NELL1: variants seen among roughly 807,000 people sequenced by gnomAD.
NELL1 encodes neural EGFL like 1.
A neutral mutation model predicts 107.4 loss-of-function variants in NELL1; 76 were observed. The observed-to-expected ratio is 0.71, with a 90% CI of 0.59 to 0.86. NELL1 has a LOEUF of 0.86. Ranked by LOEUF, NELL1 falls within the 40% of genes least tolerant of loss-of-function variation. The probability of loss-of-function intolerance (pLI) is 0.00; values close to 1 mark genes in which losing one functional copy is unlikely to be tolerated. For missense variants in NELL1, 1,024 were observed against 1,005.5 expected, an observed-to-expected ratio of 1.02 and a Z score of -0.25; for synonymous variants, 353 against 341.2, an observed-to-expected ratio of 1.03 and a Z score of -0.38.
In NELL1 at chr11:20,691,513, A is replaced by C. The variant is rs1365171570; in HGVS notation, c.184+13453A>C. Among the ~76,000 whole-genome samples the C allele has an allele frequency of 6.8e-3, 1,037 of 152,138 alleles. 7 individuals carry two copies. The highest frequency in any genetic ancestry group is 0.024 in the African/African-American group (989 of 41,456). ...CATGAAGGGTTGTTGAATTTTGTTG[A>C]AGGCCTTTTTTGCATTTATTGAGAT... On this transcript the variant is annotated intron_variant, in intron 2 of 19. Transcript: ENST00000357134.
intron 14 of NELL1, among the ~76,000 whole-genome samples, chr11:21,297,030 T>A (rs7939701): frequency 0.67 from 100,586 of 150,948 alleles, 33,883 homozygotes; most frequent in African/African-American, 0.74. Context: ...GTCATTAATT[T>A]AAAAAAATAA....
intron 15 of NELL1, among the ~76,000 whole-genome samples, chr11:21,392,668 T>A (rs759325439): frequency 6.6e-6 from 1 of 151,774 alleles, no homozygotes; most frequent in Non-Finnish European, 1.5e-5. Context: ...GTCATTGTGA[T>A]AACTTATATA....
intron 12 of NELL1, among the ~76,000 whole-genome samples, chr11:21,012,915 G>A (rs985083523): frequency 2.0e-5 from 3 of 152,218 alleles, no homozygotes; most frequent in Admixed American, 1.3e-4. Context: ...CAATTGGGGG[G>A]ATTAGTAATC....
chr11:21,143,957 G>A (rs1163861982), intron 13 of NELL1, among the ~76,000 whole-genome samples: 1 of 152,170 alleles, frequency 6.6e-6, no homozygotes, highest in Non-Finnish European at 1.5e-5. Flanking sequence ...GGGGCCACCA[G>A]TAACAGGAGG....
chr11:20,934,848 T>C (rs1442170641), intron 9 of NELL1, among the ~76,000 whole-genome samples: 1 of 152,180 alleles, frequency 6.6e-6, no homozygotes, highest in Non-Finnish European at 1.5e-5. Context: ...CGAGTCATGG[T>C]CAACTGATTT....
intron 12 of NELL1, among the ~76,000 whole-genome samples, chr11:21,066,607 C>A (rs576785177): frequency 5.3e-5 from 8 of 152,176 alleles, no homozygotes; most frequent in Admixed American, 2.0e-4. Flanking sequence ...TATTAGAATG[C>A]CTATCTTTCA....
chr11:21,486,188 C>T lies in NELL1; in HGVS notation c.1646-48186C>T, dbSNP rs117532683. 7.6e-4 allele frequency among the ~76,000 whole-genome samples: 116 copies of T among 152,210 alleles called. 1 individual carries two copies. In the East Asian group the frequency reaches 0.015, roughly 20 times the overall value. Reference sequence around the variant, plus strand: ...CCAAGAATCAACCTGCCTGGACTTACGAACACTAGACTCACCATACACCAC... The same window carrying T: ...CCAAGAATCAACCTGCCTGGACTTATGAACACTAGACTCACCATACACCAC... On this transcript the variant is annotated intron_variant, in intron 15 of 19. Transcript: ENST00000357134.
chr11:20,691,418 G>A (rs1854462360), intron 2 of NELL1, among the ~76,000 whole-genome samples: 1 of 151,622 alleles, frequency 6.6e-6, no homozygotes, highest in African/African-American at 2.4e-5. Flanking sequence ...TTGGCTGTGG[G>A]TTTGTCATAG....
At chr11:20,715,511 C>A (rs954354236) in intron 2 of NELL1, among the ~76,000 whole-genome samples, 9 of 152,118 alleles carry the variant, frequency 5.9e-5, no homozygotes, top group African/African-American at 2.2e-4. Context: ...GCCTGTGGAG[C>A]CTGTGGCTTA....
At chr11:21,457,300 G>A (rs1393852022) in intron 15 of NELL1, among the ~76,000 whole-genome samples, 1 of 152,180 alleles carries the variant, frequency 6.6e-6, no homozygotes, top group Non-Finnish European at 1.5e-5. Context: ...AGAGACATGA[G>A]TCAGGTTTCT....
intron 14 of NELL1, among the ~76,000 whole-genome samples, chr11:21,326,253 C>G (rs2133677406): frequency 6.7e-6 from 1 of 149,724 alleles, no homozygotes; most frequent in Middle Eastern, 3.4e-3. Context: ...TTTTACTATT[C>G]CACTTTATCT....
intron 16 of NELL1, among the ~76,000 whole-genome samples, chr11:21,542,714 A>T (rs758337505): frequency 1.9e-4 from 29 of 152,098 alleles, no homozygotes; most frequent in Non-Finnish European, 2.8e-4. Context: ...AGAGAATGAG[A>T]AAATGATCGG....
intron 13 of NELL1, among the ~76,000 whole-genome samples, chr11:21,128,469 A>G (rs1855539319): frequency 6.6e-6 from 1 of 152,206 alleles, no homozygotes; most frequent in Admixed American, 6.5e-5. Flanking sequence ...ATAAGGCATC[A>G]GAAATATCTT....
At chr11:21,214,569 G>A (rs535759645) in intron 13 of NELL1, among the ~76,000 whole-genome samples, 48 of 152,192 alleles carry the variant, frequency 3.2e-4, no homozygotes, top group African/African-American at 9.9e-4. Flanking sequence ...ATGGAGAAAC[G>A]ATCATTCAGA....
At position 20,922,531 on chromosome 11, in the gene NELL1, C is replaced by T. The variant is rs145849862; in HGVS notation, c.759+3197C>T. ...GGCAAACTTGAAGTTGAATATGGTT[C>T]GCAGATGCAAAAAGAATTCTATGGC... is the stretch of plus-strand genomic sequence containing the variant. On this transcript the variant is annotated intron_variant, in intron 7 of 19. Coordinates refer to ENST00000357134, the MANE Select transcript of NELL1 (RefSeq NM_006157.5). 2.0e-3 allele frequency among the ~76,000 whole-genome samples: 303 copies of T among 151,758 alleles called. 1 individual carries two copies. Among genetic ancestry groups the T allele is most frequent in the African/African-American group, 6.9e-3 (286 of 41,426 alleles).
intron 14 of NELL1, among the ~76,000 whole-genome samples, chr11:21,304,009 A>G (rs1162245181): frequency 6.6e-6 from 1 of 151,992 alleles, no homozygotes; most frequent in Non-Finnish European, 1.5e-5. Context: ...CATGGGGCAG[A>G]ATTAATCACC....
At position 20,771,475 on chromosome 11, in the gene NELL1, C is replaced by A. The variant is rs1469658483; in HGVS notation, c.185-12205C>A. ...ACTTGTGTGTGAGAGAAGACAATTTCTTCAGGAGTATTTTCCTGTGGTTTG... is the reference window on the plus strand; with the variant it reads ...ACTTGTGTGTGAGAGAAGACAATTTATTCAGGAGTATTTTCCTGTGGTTTG... On this transcript the variant is annotated intron_variant, in intron 2 of 19. Transcript: ENST00000357134. Among the ~76,000 whole-genome samples the A allele has an allele frequency of 2.0e-5, 3 of 152,196 alleles. No homozygotes were observed. The East Asian group carries it at 5.8e-4, about 29-fold the overall frequency.
chr11:21,099,225 AC>A, intron 12 of NELL1, among the ~76,000 whole-genome samples: 1 of 142,032 alleles, frequency 7.0e-6, no homozygotes, highest in Non-Finnish European at 1.5e-5. Flanking sequence ...ACACACACAC[AC>A]ACACACAAAC....
chr11:20,814,290 A>G (rs1354264785), intron 3 of NELL1, among the ~76,000 whole-genome samples: 12 of 152,138 alleles, frequency 7.9e-5, no homozygotes, highest in African/African-American at 1.2e-4. Flanking sequence ...CACCACACCC[A>G]GCCTAAAATT....
Sources: gnomAD v4.1 joint callset for allele counts (sites outside exome capture counted in the v4.1 genomes callset) on GRCh38, gnomAD v4.1.1 for gene constraint, MANE v1.5 for transcripts, NCBI Gene and HGNC (gene_info 2026-07-23, HGNC 2026-07-21) for gene names.